DCK: variants seen among roughly 807,000 people sequenced by gnomAD.
DCK encodes the protein deoxycytidine kinase, also known as deoxyadenosine kinase.
DCK carries 23 observed loss-of-function variants against 38.3 expected under a neutral mutation model. That is an observed-to-expected ratio of 0.60 (90% CI 0.43 to 0.85). DCK has a LOEUF of 0.85. DCK is among the 40% of genes least tolerant of loss of function. The pLI, the probability that DCK is intolerant of heterozygous loss-of-function variation, is 0.00. For synonymous variants in DCK, 108 were observed against 100.6 expected, an observed-to-expected ratio of 1.07 and a Z score of -0.44; for missense variants, 259 against 304.4, an observed-to-expected ratio of 0.85 and a Z score of 1.11.
intron 2 of DCK, among the ~76,000 whole-genome samples, chr4:71,018,126 C>CTTTTTTTTTTT (rs35755135): frequency 7.9e-6 from 1 of 126,836 alleles, no homozygotes; most frequent in Non-Finnish European, 1.6e-5. Context: ...TAGATTATTT[C>CTTTTTTTTTTT]TTTTTTTTTT....
At chr4:70,998,601 G>A (rs1217917052) in intron 2 of DCK, among the ~76,000 whole-genome samples, 1 of 152,136 alleles carries the variant, frequency 6.6e-6, no homozygotes, top group Middle Eastern at 3.2e-3. Context: ...ATCAATTCTT[G>A]AGGTTACTGA....
At chr4:71,022,603 C>A in intron 3 of DCK, 43 bp downstream of exon 3, 3 of 1,144,014 alleles carry the variant, frequency 2.6e-6, no homozygotes, top group Non-Finnish European at 3.4e-6. Flanking sequence ...AAGTTTTTAT[C>A]TTAGAACTGG....
At position 70,998,183 on chromosome 4, in the gene DCK, G is replaced by A; in HGVS notation, c.207+1G>A. On this transcript the variant is annotated splice_donor_variant, in intron 2 of 6. Coordinates refer to ENST00000286648, the MANE Select transcript of DCK (RefSeq NM_000788.3). LOFTEE classifies it high-confidence loss of function. ...TCAAAGTACTCAAGATGAATTTGAG[G>A]TATGAAAATAAAATTTAAGTAGATA... 1 of 1,500,352 alleles carries A rather than the reference G, an allele frequency of 6.7e-7. No homozygotes were observed. Among genetic ancestry groups the A allele is most frequent in the Non-Finnish European group, 9.2e-7 (1 of 1,087,914 alleles). 92.9% of individuals were successfully genotyped at this position (1,500,352 alleles called of 1,614,324 possible). A position where few individuals can be genotyped will look rare whatever the true frequency, so the allele number is the denominator to read the frequency against.
chr4:70,994,380 C>CA (rs1739611165), intron 1 of DCK, among the ~76,000 whole-genome samples: 1 of 152,196 alleles, frequency 6.6e-6, no homozygotes, highest in Non-Finnish European at 1.5e-5. Flanking sequence ...CCTTTGTATT[C>CA]AGCCCCCTCC....
intron 1 of DCK, 127 bp from the exon 2 acceptor site, chr4:70,997,940 T>A (rs1332213299): frequency 2.1e-6 from 1 of 481,528 alleles, no homozygotes. Context: ...AGAGAAAGTT[T>A]AGAAAGTTGA....
chr4:71,003,662 T>C (rs1739867963), intron 2 of DCK, among the ~76,000 whole-genome samples: 1 of 152,254 alleles, frequency 6.6e-6, no homozygotes, highest in African/African-American at 2.4e-5. Context: ...CTTTTCATTC[T>C]GTTTTCTCTA....
chr4:71,024,873 G>A (rs1740509628), intron 4 of DCK, among the ~76,000 whole-genome samples: 2 of 151,898 alleles, frequency 1.3e-5, no homozygotes, highest in African/African-American at 4.8e-5. Flanking sequence ...TTTTGAAAAG[G>A]TTTCTTAAAG....
chr4:70,999,247 A>T (rs1208451827), intron 2 of DCK, among the ~76,000 whole-genome samples: 2 of 151,812 alleles, frequency 1.3e-5, no homozygotes, highest in African/African-American at 2.4e-5. Flanking sequence ...TTCAACTCCC[A>T]CTTACAAGTT....
chr4:71,002,452 G>A (rs1292724678), intron 2 of DCK, among the ~76,000 whole-genome samples: 1 of 152,170 alleles, frequency 6.6e-6, no homozygotes, highest in Non-Finnish European at 1.5e-5. Context: ...GATTTGGGGT[G>A]GAGAGTTCTC....
At chr4:71,029,314 A>T in intron 6 of DCK, 38 bp from the exon 7 acceptor site, 1 of 1,455,470 alleles carries the variant, frequency 6.9e-7, no homozygotes, top group Non-Finnish European at 9.5e-7. Context: ...CAAATTAGTC[A>T]AGGAATTATA....
Position 71,022,424 on chromosome 4 carries a change from C to G in DCK, c.265C>G (p.Pro89Ala), listed in dbSNP as rs755686207. Residue 89 changes from proline (P) to alanine (A), a missense_variant, in exon 3 of 7, where the codon CCT (proline) becomes GCT (alanine). Pro to Ala is a conservative substitution (Grantham distance 27, BLOSUM62 -1). This residue lies in a region of DCK where 159 missense variants were observed against 159.0 expected (regional missense o/e 1.00). Coordinates refer to ENST00000286648, the MANE Select transcript of DCK (RefSeq NM_000788.3). Reference protein sequence around the residue: ...GNVLQMMYEKPERWSFTFQTY... With the variant: ...GNVLQMMYEKAERWSFTFQTY... ...TGTTCTTCAGATGATGTATGAGAAA[C>G]CTGAACGATGGTCTTTTACCTTCCA... 1 of 1,604,280 alleles carries G rather than the reference C, an allele frequency of 6.2e-7. No homozygotes were observed. Among genetic ancestry groups the G allele is most frequent in the African/African-American group, 1.3e-5 (1 of 74,460 alleles).
rs970970738 is a variant in DCK at position 71,030,551 on chromosome 4, T to C, written c.*1173T>C. The stretch of plus-strand genomic sequence containing the variant: ...CTTAATTTCAAATCTGTAATTACCA[T>C]ACATAAACTGTCTCATTATACGTAT... On this transcript the variant is annotated 3_prime_UTR_variant, in exon 7 of 7. Transcript: ENST00000286648. 6.6e-6 allele frequency: 1 copy of C among 152,164 alleles called. No homozygotes were observed. Among genetic ancestry groups the C allele is most frequent in the Admixed American group, 6.5e-5 (1 of 15,280 alleles). 9.4% of individuals were successfully genotyped at this position (152,164 alleles called of 1,614,324 possible). A position where few individuals can be genotyped will look rare whatever the true frequency, so the allele number is the denominator to read the frequency against.
chr4:71,018,026 A>G (rs1459150717), intron 2 of DCK, among the ~76,000 whole-genome samples: 1 of 151,832 alleles, frequency 6.6e-6, no homozygotes, highest in African/African-American at 2.4e-5. Context: ...ATGTACTATT[A>G]TTTACTTAAT....
chr4:70,998,215 T>G (rs747313718), intron 2 of DCK, 33 bp downstream of exon 2: 2 of 1,122,024 alleles, frequency 1.8e-6, no homozygotes, highest in Non-Finnish European at 2.7e-6. Context: ...GATAAAAGCC[T>G]CTTGGTTTAG....
intron 2 of DCK, among the ~76,000 whole-genome samples, chr4:71,014,976 C>G (rs1740219020): frequency 1.3e-5 from 2 of 152,140 alleles, no homozygotes; most frequent in Admixed American, 1.3e-4. Context: ...ATCAATGAAT[C>G]CAGGAGCTGG....
At chr4:70,995,953 C>T (rs926504161) in intron 1 of DCK, among the ~76,000 whole-genome samples, 15 of 150,762 alleles carry the variant, frequency 9.9e-5, no homozygotes, top group Non-Finnish European at 2.1e-4. Flanking sequence ...AGCTTGTAAT[C>T]CCAGTGCTTT....
intron 2 of DCK, among the ~76,000 whole-genome samples, chr4:71,000,779 A>G (rs1313369097): frequency 6.6e-6 from 1 of 152,134 alleles, no homozygotes; most frequent in Non-Finnish European, 1.5e-5. Context: ...TTCTCTTTGT[A>G]GCAATTGTGA....
intron 2 of DCK, among the ~76,000 whole-genome samples, chr4:71,010,685 TATATAC>T (rs1389451188): frequency 6.8e-6 from 1 of 147,670 alleles, no homozygotes; most frequent in South Asian, 2.1e-4. Context: ...ATATAAAAAT[TATATAC>T]ATAATATAAA....
chr4:71,000,498 A>G (rs976180637), intron 2 of DCK, among the ~76,000 whole-genome samples: 1 of 152,194 alleles, frequency 6.6e-6, no homozygotes, highest in African/African-American at 2.4e-5. Context: ...TGTCTTGGCT[A>G]TACGGGCTCT....
Sources: gnomAD v4.1 joint callset for allele counts (sites outside exome capture counted in the v4.1 genomes callset) on GRCh38, gnomAD v4.1.1 for gene constraint, gnomAD v4.1.1 regional missense constraint, MANE v1.5 for transcripts, NCBI Gene and HGNC (gene_info 2026-07-23, HGNC 2026-07-21) for gene names.